CARD16: variants seen among roughly 807,000 people sequenced by gnomAD.
CARD16 encodes the protein caspase recruitment domain-containing protein 16.
CARD16 carries 8 observed loss-of-function variants against 11.9 expected under a neutral mutation model. That is an observed-to-expected ratio of 0.67 (90% CI 0.39 to 1.21). The LOEUF (loss-of-function observed/expected upper bound fraction) is 1.21, where lower values mean the gene tolerates loss of function less well. CARD16 is among the 50% of genes most tolerant of loss of function. CARD16 has a pLI of 0.01. For synonymous variants in CARD16, 44 were observed against 43.8 expected (o/e 1.00, Z -0.02); for missense variants, 131 against 118.1 (o/e 1.11, Z -0.51).
At chr11:105,043,285 T>A (rs1248795147) in intron 3 of CARD16, among the ~76,000 whole-genome samples, 198 bp downstream of exon 3, 1 of 152,130 alleles carries the variant, frequency 6.6e-6, no homozygotes, top group Non-Finnish European at 1.5e-5. Flanking sequence ...GAGATACAAA[T>A]TCAGATTTTG....
chr11:105,041,900 T>C (rs1286662026), intron 3 of CARD16, among the ~76,000 whole-genome samples, 181 bp from the exon 4 acceptor site: 1 of 152,220 alleles, frequency 6.6e-6, no homozygotes, highest in Non-Finnish European at 1.5e-5. Flanking sequence ...TTTCTAGGTA[T>C]GCATTACAGG....
Position 105,044,501 on chromosome 11 carries a change from T to A in CARD16, c.165A>T (p.Arg55=). Residue 55 remains arginine (R), a synonymous_variant, in exon 2 of 4, where the codon CGA becomes CGT. Coordinates refer to ENST00000673097, the MANE Select transcript of CARD16 (RefSeq NM_052889.4). ...TCGGAATAACGGAGTCAATCAAAGC[T>A]CGGGTCTTATCCATAACTGTAGCAT... is the stretch of plus-strand genomic sequence containing the variant. The part of the protein sequence containing the change: ...RENATVMDKT[R]ALIDSVIPKG... 6.2e-7 allele frequency: 1 copy of A among 1,614,130 alleles called. No homozygotes were observed. The highest frequency in any genetic ancestry group is 1.1e-5 in the South Asian group (1 of 91,090).
chr11:105,043,288 A>C lies in CARD16; in HGVS notation c.*43+195T>G, dbSNP rs186522272. ...TAATCAGAATTTGAGATACAAATTC[A>C]GATTTTGTTAGTATAAATAAGAGTA... is the stretch of plus-strand genomic sequence containing the variant. On this transcript the variant is annotated intron_variant, in intron 3 of 3. Coordinates refer to ENST00000673097, the MANE Select transcript of CARD16 (RefSeq NM_052889.4). 2.9e-3 allele frequency among the ~76,000 whole-genome samples: 443 copies of C among 152,292 alleles called. 3 individuals carry two copies. Among genetic ancestry groups the C allele is most frequent in the African/African-American group, 0.01 (420 of 41,566 alleles).
chr11:105,044,486 G>A lies in CARD16; in HGVS notation c.180C>T (p.Ser60=), dbSNP rs778372595. ...VMDKTRALID[S]VIPKGAQACQ... ...ATGCCTGTGCCCCTTTCGGAATAAC[G>A]GAGTCAATCAAAGCTCGGGTCTTAT... The change falls in exon 2 of 4, where the codon TCC becomes TCT. Residue 60 remains serine, a synonymous_variant. Coordinates refer to ENST00000673097, the MANE Select transcript of CARD16 (RefSeq NM_052889.4). 8.6e-5 allele frequency: 138 copies of A among 1,613,958 alleles called. 1 individual carries two copies. Among genetic ancestry groups the A allele is most frequent in the Non-Finnish European group, 1.1e-4 (125 of 1,179,998 alleles).
chr11:105,043,339 A>C, intron 3 of CARD16, 144 bp downstream of exon 3: 2 of 464,928 alleles, frequency 4.3e-6, no homozygotes, highest in Non-Finnish European at 7.5e-6. Context: ...CAGTTTCTGC[A>C]AAAACAGAAT....
chr11:105,044,161 AG>A (rs1463043624), intron 2 of CARD16: 1 of 641,262 alleles, frequency 1.6e-6, no homozygotes, highest in Non-Finnish European at 2.6e-6. Flanking sequence ...TAAGGAAATT[AG>A]CTACCATGTA....
Position 105,044,673 on chromosome 11 carries a change from A to G in CARD16, c.8-15T>C. The G allele has an allele frequency of 6.2e-7, 1 of 1,612,720 alleles. No individual in the cohort carries two copies. Among genetic ancestry groups the G allele is most frequent in the Non-Finnish European group, 8.5e-7 (1 of 1,178,914 alleles). ...CAGGACCTTGTCTGTTTGGAGCACA[A>G]GGATTTCTCACATCATGAAAACAGC... On this transcript the variant is annotated splice_polypyrimidine_tract_variant and intron_variant, in intron 1 of 3. Coordinates refer to ENST00000673097, the MANE Select transcript of CARD16 (RefSeq NM_052889.4).
At chr11:105,043,106 G>A (rs746590335) in intron 3 of CARD16, among the ~76,000 whole-genome samples, 3 of 152,100 alleles carry the variant, frequency 2.0e-5, no homozygotes, top group Non-Finnish European at 4.4e-5. Context: ...AACTGGTGAT[G>A]GTGGCATCAA....
chr11:105,044,707 C>T, intron 1 of CARD16, 49 bp from the exon 2 acceptor site: 1 of 1,591,284 alleles, frequency 6.3e-7, no homozygotes, highest in Non-Finnish European at 8.6e-7. Context: ...GCCTCATATT[C>T]CTCTCACGTC....
At chr11:105,042,409 T>C (rs1251601764) in intron 3 of CARD16, among the ~76,000 whole-genome samples, 1 of 152,134 alleles carries the variant, frequency 6.6e-6, no homozygotes, top group East Asian at 1.9e-4. Context: ...TTTGAGGCTT[T>C]TATTTCATCA....
Position 105,042,934 on chromosome 11 carries a change from G to T in CARD16, c.*43+549C>A, listed in dbSNP as rs189001023. Reference sequence around the variant, plus strand: ...TATAAGTTTCTTTTATTTTAAGGGGGGCACTTAAGGAATAAGAGTTCTTTA... The same window carrying T: ...TATAAGTTTCTTTTATTTTAAGGGGTGCACTTAAGGAATAAGAGTTCTTTA... On this transcript the variant is annotated intron_variant, in intron 3 of 3. Transcript: ENST00000673097. 9.5e-3 allele frequency among the ~76,000 whole-genome samples: 1,441 copies of T among 152,048 alleles called. 11 individuals carry two copies. The highest frequency in any genetic ancestry group is 0.027 in the South Asian group (131 of 4,798).
At chr11:105,045,180 C>G (rs1336371225) in intron 1 of CARD16, 111 bp downstream of exon 1, 2 of 1,501,784 alleles carry the variant, frequency 1.3e-6, no homozygotes, top group Non-Finnish European at 1.9e-6. Context: ...CTCTCCCTCA[C>G]TTCTGCTCAC....
chr11:105,042,160 G>T (rs910935384), intron 3 of CARD16, among the ~76,000 whole-genome samples: 1 of 152,024 alleles, frequency 6.6e-6, no homozygotes, highest in Admixed American at 6.6e-5. Flanking sequence ...TTACCTAATA[G>T]ACATGGTAGT....
At chr11:105,044,289 G>C in intron 2 of CARD16, 103 bp downstream of exon 2, 1 of 1,564,524 alleles carries the variant, frequency 6.4e-7, no homozygotes, top group Non-Finnish European at 8.7e-7. Flanking sequence ...CAAAGGCAGA[G>C]ATAAGAAGAT....
At chr11:105,044,838 T>G (rs1392805554) in intron 1 of CARD16, 180 bp from the exon 2 acceptor site, 1 of 1,102,818 alleles carries the variant, frequency 9.1e-7, no homozygotes, top group East Asian at 2.4e-5. Context: ...TCCCCATATA[T>G]GTGCATGGAG....
intron 2 of CARD16, 117 bp from the exon 3 acceptor site, chr11:105,043,662 A>T: frequency 1.4e-6 from 1 of 739,780 alleles, no homozygotes; most frequent in South Asian, 1.6e-5. Context: ...AAATGACAAT[A>T]AATAATGTTC....
chr11:105,044,518 CTG>C lies in CARD16; in HGVS notation c.146_147del (p.Thr49SerfsTer4). 5 of 1,614,148 alleles carry C rather than the reference CTG, an allele frequency of 3.1e-6. No individual in the cohort carries two copies. In the South Asian group the frequency reaches 4.4e-5, roughly 14 times the overall value. ...EMEKVKRENATVMDKTRALID... is the reference protein window; with the variant it reads ...EMEKVKRENAXVMDKTRALID... ...ATCAAAGCTCGGGTCTTATCCATAA[CTG>C]TAGCATTTTCACGTTTTACTTTCTC... On this transcript the variant is annotated frameshift_variant, in exon 2 of 4. Transcript: ENST00000673097. LOFTEE classifies it high-confidence loss of function.
chr11:105,043,859 G>A (rs11604437), intron 2 of CARD16: 16,913 of 313,016 alleles, frequency 0.054, 524 homozygotes, highest in African/African-American at 0.065. Context: ...AATGCATGGG[G>A]GCAACGGGAG....
intron 3 of CARD16, 33 bp downstream of exon 3, chr11:105,043,450 C>A: frequency 1.3e-6 from 2 of 1,500,508 alleles, no homozygotes; most frequent in East Asian, 2.3e-5. Context: ...AGATGGGGTT[C>A]AAAGAATGCT....
Sources: allele counts gnomAD v4.1 joint callset (sites outside exome capture counted in the v4.1 genomes callset), GRCh38; gene constraint gnomAD v4.1.1; transcripts MANE v1.5; gene names NCBI Gene and HGNC (gene_info 2026-07-23, HGNC 2026-07-21).